GLP1R: variants seen among roughly 807,000 people sequenced by gnomAD.
GLP1R encodes the protein glucagon like peptide 1 receptor.
In GLP1R, 32 loss-of-function variants were observed where a neutral mutation model predicts 68.4. That is an observed-to-expected ratio of 0.47 (90% CI 0.35 to 0.63). The LOEUF is 0.63. GLP1R is among the 20% of genes least tolerant of loss of function. The pLI is 0.00. For synonymous variants in GLP1R, 263 were observed against 244.4 expected (o/e 1.08, Z -0.71); for missense variants, 502 against 594.9 (o/e 0.84, Z 1.62).
At position 39,073,777 on chromosome 6, in the gene GLP1R, C is replaced by G; in HGVS notation, c.823+8C>G. 6.2e-7 allele frequency: 1 copy of G among 1,613,292 alleles called. No individual in the cohort carries two copies. The highest frequency in any genetic ancestry group is 8.5e-7 in the Non-Finnish European group (1 of 1,179,484). On this transcript the variant is annotated splice_region_variant and intron_variant, in intron 7 of 12. Coordinates refer to ENST00000373256, the MANE Select transcript of GLP1R (RefSeq NM_002062.5). ...ACGTGAGCATAGGCTGGGGTAAGAA[C>G]CGCCATCACCCACCCTGGACCTGTG...
At chr6:39,050,648 G>A (rs569542575) in intron 1 of GLP1R, among the ~76,000 whole-genome samples, 2 of 152,312 alleles carry the variant, frequency 1.3e-5, no homozygotes, top group East Asian at 3.9e-4. Flanking sequence ...ACAGAGATCT[G>A]AGTCACAGGA....
chr6:39,063,263 A>G (rs877446), intron 3 of GLP1R, among the ~76,000 whole-genome samples: 85,474 of 151,908 alleles, frequency 0.56, 24,285 homozygotes, highest in East Asian at 0.6. Context: ...ATCTACAGGA[A>G]AACACTGATT....
chr6:39,080,842 C>G (rs1768988567), intron 12 of GLP1R, 103 bp downstream of exon 12: 1 of 672,346 alleles, frequency 1.5e-6, no homozygotes, highest in African/African-American at 1.9e-5. Context: ...AGCTGAAACC[C>G]CCTACTCACC....
chr6:39,088,253 C>T lies in GLP1R; in HGVS notation c.*2180C>T, dbSNP rs1000144199. ...TCCTTCATGAATACATACAAGATAC[C>T]GAACTGAAGAAATCTTTTCTTTGCT... On this transcript the variant is annotated 3_prime_UTR_variant, in exon 13 of 13. Transcript: ENST00000373256. Among the ~76,000 whole-genome samples, 2 of 152,056 alleles carry T rather than the reference C, an allele frequency of 1.3e-5. No homozygotes were observed. Among genetic ancestry groups the T allele is most frequent in the Non-Finnish European group, 2.9e-5 (2 of 68,008 alleles).
chr6:39,075,430 C>T (rs563537997), intron 7 of GLP1R, among the ~76,000 whole-genome samples: 176 of 152,222 alleles, frequency 1.2e-3, no homozygotes, highest in African/African-American at 3.8e-3. Flanking sequence ...AATCAAGGGA[C>T]GTGTGTGATG....
In GLP1R at chr6:39,086,843, G is replaced by A. The variant is rs201113027; in HGVS notation, c.*770G>A. On this transcript the variant is annotated 3_prime_UTR_variant, in exon 13 of 13. Transcript: ENST00000373256. This position sits in a 1 kb window ranked among gnomAD's most constrained non-coding sequence, Gnocchi z 4.5. ...TTGCCACCGGGGAACCCAGCCCTGG[G>A]GTATGAGCTGCCAAGTCTATTTTAA... 1.3e-5 allele frequency: 2 copies of A among 152,596 alleles called. No homozygotes were observed. Among genetic ancestry groups the A allele is most frequent in the Non-Finnish European group, 2.9e-5 (2 of 68,060 alleles). The allele number at this position is 152,596 out of a possible 1,614,324, so 9.5% of individuals were successfully genotyped here. A position where few individuals can be genotyped will look rare whatever the true frequency, so the allele number is the denominator to read the frequency against.
chr6:39,058,509 A>G (rs1052227174), intron 3 of GLP1R, among the ~76,000 whole-genome samples: 3 of 152,172 alleles, frequency 2.0e-5, no homozygotes, highest in African/African-American at 4.8e-5. Flanking sequence ...GGGTTAGTTA[A>G]TGTGCCCCGC....
At chr6:39,061,017 G>A (rs1424962615) in intron 3 of GLP1R, among the ~76,000 whole-genome samples, 1 of 152,166 alleles carries the variant, frequency 6.6e-6, no homozygotes, top group African/African-American at 2.4e-5. Context: ...GGGGCCAGAC[G>A]TGAAAGAACA....
intron 1 of GLP1R, among the ~76,000 whole-genome samples, chr6:39,051,482 A>G (rs2150818309): frequency 6.6e-6 from 1 of 152,220 alleles, no homozygotes; most frequent in East Asian, 1.9e-4. Context: ...ATCAGTGCGG[A>G]CATTGTTCTA....
At position 39,086,202 on chromosome 6, in the gene GLP1R, C is replaced by T. The variant is rs201931308; in HGVS notation, c.*129C>T. 3.1e-4 allele frequency: 151 copies of T among 492,962 alleles called. No homozygotes were observed. The highest frequency in any genetic ancestry group is 9.3e-4 in the African/African-American group (48 of 51,696). The allele number at this position is 492,962 out of a possible 1,614,324, so 30.5% of individuals were successfully genotyped here. A position where few individuals can be genotyped will look rare whatever the true frequency, so the allele number is the denominator to read the frequency against. ...ACACACACACACACACACACACACACACATACATCCTGCTTTCCCTCCCCA... is the reference window on the plus strand; with the variant it reads ...ACACACACACACACACACACACACATACATACATCCTGCTTTCCCTCCCCA... On this transcript the variant is annotated 3_prime_UTR_variant, in exon 13 of 13. Coordinates refer to ENST00000373256, the MANE Select transcript of GLP1R (RefSeq NM_002062.5). The surrounding 1 kb of genome is among the most constrained non-coding windows in gnomAD (Gnocchi z 4.5).
intron 12 of GLP1R, among the ~76,000 whole-genome samples, chr6:39,085,645 T>A (rs1219713352): frequency 1.3e-5 from 2 of 152,238 alleles, no homozygotes; most frequent in Non-Finnish European, 2.9e-5. Flanking sequence ...TAAAAGGTAC[T>A]TAGCTGAATC....
Position 39,079,703 on chromosome 6 carries a change from G to A in GLP1R, c.1182+1G>A. On this transcript the variant is annotated splice_donor_variant, in intron 11 of 12. Transcript: ENST00000373256. LOFTEE classifies it high-confidence loss of function. The surrounding 1 kb of genome is among the most constrained non-coding windows in gnomAD (Gnocchi z 4.5). ...AGAGCTCTCCTTCACCTCCTTCCAG[G>A]TGACTTCATGCTTGGGGACACTTGC... is the stretch of plus-strand genomic sequence containing the variant. 6.2e-7 allele frequency: 1 copy of A among 1,612,432 alleles called. No homozygotes were observed. Among genetic ancestry groups the A allele is most frequent in the Non-Finnish European group, 8.5e-7 (1 of 1,179,028 alleles).
rs890940559 is a variant in GLP1R, at chr6:39,086,659, T to C, written c.*586T>C. On this transcript the variant is annotated 3_prime_UTR_variant, in exon 13 of 13. Coordinates refer to ENST00000373256, the MANE Select transcript of GLP1R (RefSeq NM_002062.5). This position sits in a 1 kb window ranked among gnomAD's most constrained non-coding sequence, Gnocchi z 4.5. ...CCTCATCTCACTGCCCAGTTTCTTT[T>C]TGAGGGGCTTTGTTTGGGCCACTGC... The C allele has an allele frequency of 6.5e-6, 1 of 152,736 alleles. No homozygotes were observed. The highest frequency in any genetic ancestry group is 1.5e-5 in the Non-Finnish European group (1 of 68,104). 9.5% of individuals were successfully genotyped at this position (152,736 alleles called of 1,614,324 possible). A position where few individuals can be genotyped will look rare whatever the true frequency, so the allele number is the denominator to read the frequency against.
chr6:39,066,136 A>C, intron 4 of GLP1R, 61 bp from the exon 5 acceptor site: 1 of 936,186 alleles, frequency 1.1e-6, no homozygotes, highest in Non-Finnish European at 1.7e-6. Context: ...CATGGGAAGG[A>C]AGATTGTGGG....
chr6:39,086,198 C>CAT lies in GLP1R; in HGVS notation c.*126_*127insTA. 1.7e-6 allele frequency: 1 copy of CAT among 574,020 alleles called. No individual in the cohort carries two copies. Among genetic ancestry groups the CAT allele is most frequent in the Non-Finnish European group, 2.8e-6 (1 of 356,560 alleles). 35.6% of individuals were successfully genotyped at this position (574,020 alleles called of 1,614,324 possible). ...ACACACACACACACACACACACACACACACACATACATCCTGCTTTCCCTC... is the reference window on the plus strand; with the variant it reads ...ACACACACACACACACACACACACACATACACACATACATCCTGCTTTCCCTC... On this transcript the variant is annotated 3_prime_UTR_variant, in exon 13 of 13. Transcript: ENST00000373256. This position sits in a 1 kb window ranked among gnomAD's most constrained non-coding sequence, Gnocchi z 4.5.
At chr6:39,054,887 A>G (rs1379511416) in intron 1 of GLP1R, among the ~76,000 whole-genome samples, 1 of 152,254 alleles carries the variant, frequency 6.6e-6, no homozygotes, top group Non-Finnish European at 1.5e-5. Flanking sequence ...ACTTGCTCTG[A>G]TGAAAACTGT....
In GLP1R at chr6:39,054,776, C is replaced by T. The variant is rs535302556; in HGVS notation, c.79-1621C>T. On this transcript the variant is annotated intron_variant, in intron 1 of 12. Transcript: ENST00000373256. ...TCTCCGTCTCTCTGCCCTCCACCCC[C>T]AGCAGCTGCTGCATTTAGGGGCAGC... Among the ~76,000 whole-genome samples the T allele has an allele frequency of 1.1e-3, 172 of 152,314 alleles. 4 individuals carry two copies. Among genetic ancestry groups the T allele is most frequent in the Middle Eastern group, 3.4e-3 (1 of 294 alleles).
In GLP1R at chr6:39,048,937, G is replaced by T; in HGVS notation, c.78+19G>T. On this transcript the variant is annotated intron_variant, in intron 1 of 12. Transcript: ENST00000373256. Reference sequence around the variant, plus strand: ...CCCCCAGGTGAGATCCAGGGACCCCGACGACACCGGGGGAGGCGGGTGGCT... The same window carrying T: ...CCCCCAGGTGAGATCCAGGGACCCCTACGACACCGGGGGAGGCGGGTGGCT... 8.9e-7 allele frequency: 1 copy of T among 1,127,292 alleles called. No homozygotes were observed. The highest frequency in any genetic ancestry group is 1.2e-6 in the Non-Finnish European group (1 of 837,768). 69.8% of individuals were successfully genotyped at this position (1,127,292 alleles called of 1,614,324 possible).
Position 39,079,435 on chromosome 6 carries a change from T to C in GLP1R, c.1044-129T>C, listed in dbSNP as rs1036893396. The C allele has an allele frequency of 2.0e-6, 2 of 988,238 alleles. No individual in the cohort carries two copies. The highest frequency in any genetic ancestry group is 3.0e-6 in the Non-Finnish European group (2 of 671,078). 61.2% of individuals were successfully genotyped at this position (988,238 alleles called of 1,614,324 possible). A position where few individuals can be genotyped will look rare whatever the true frequency, so the allele number is the denominator to read the frequency against. ...TCCCTCCAGGCAGCCTGTCCCAGGG[T>C]ATTTGGGGTGGGAGAACATCCATGA... is the stretch of plus-strand genomic sequence containing the variant. On this transcript the variant is annotated intron_variant, in intron 10 of 12. Coordinates refer to ENST00000373256, the MANE Select transcript of GLP1R (RefSeq NM_002062.5). This position sits in a 1 kb window ranked among gnomAD's most constrained non-coding sequence, Gnocchi z 4.5.
Sources: gnomAD v4.1 joint callset for allele counts (sites outside exome capture counted in the v4.1 genomes callset) on GRCh38, gnomAD v4.1.1 for gene constraint, Gnocchi (gnomAD v3.1) non-coding constraint, MANE v1.5 for transcripts, NCBI Gene and HGNC (gene_info 2026-07-23, HGNC 2026-07-21) for gene names.